The following SMURF1 variants were observed in gnomAD, a reference collection of about 807,000 sequenced individuals.
SMURF1 encodes the protein SMAD specific E3 ubiquitin protein ligase 1, also known as E3 ubiquitin-protein ligase SMURF1.
SMURF1 carries 44 observed loss-of-function variants against 98.0 expected under a neutral mutation model. The observed-to-expected ratio is 0.45, with a 90% CI of 0.35 to 0.58. SMURF1 has a LOEUF of 0.58. Among genes scored for constraint, SMURF1 ranks in the 20% least tolerant of loss-of-function variants. SMURF1 has a pLI of 0.00. For missense variants in SMURF1, 687 were observed against 938.4 expected (o/e 0.73, Z 3.50); for synonymous variants, 396 against 374.9 (o/e 1.06, Z -0.65).
In SMURF1 at chr7:99,038,436, T is replaced by C. The variant is rs945688698; in HGVS notation, c.1640A>G (p.Asn547Ser). 2.5e-6 allele frequency: 4 copies of C among 1,614,090 alleles called. No individual in the cohort carries two copies. Among genetic ancestry groups the C allele is most frequent in the Admixed American group, 1.7e-5 (1 of 60,010 alleles). Residue 547 changes from asparagine to serine, a missense_variant, in exon 14 of 18, where the codon AAT becomes AGT. Transcript: ENST00000361368. ...GRILQHELKP[N>S]GRNVPVTEEN... is the part of the protein sequence containing the mutation. ...CTCTGTGACTGGCACATTTCTGCCA[T>C]TGGGTTTCAGTTCATGCTGCAGGAT...
chr7:99,131,841 G>A (rs971166835), intron 1 of SMURF1, among the ~76,000 whole-genome samples: 19 of 152,140 alleles, frequency 1.2e-4, no homozygotes, highest in African/African-American at 4.3e-4. Flanking sequence ...AAGGCTGTGG[G>A]GTAGGGTGAG....
Position 99,040,537 on chromosome 7 carries a change from TG to T in SMURF1, c.1390del (p.His464ThrfsTer54). ...SINPDHLSYF[H>X]FVGRIMGLAV... is the part of the protein sequence containing the mutation. ...CAGCCCCATGATCCGCCCCACAAAG[TG>T]GAAATAAGACAAGTGGTCCTGTAGG... On this transcript the variant is annotated frameshift_variant, in exon 13 of 18. Transcript: ENST00000361368. LOFTEE classifies it high-confidence loss of function. The T allele has an allele frequency of 6.7e-7, 1 of 1,495,888 alleles. No homozygotes were observed. Among genetic ancestry groups the T allele is most frequent in the Non-Finnish European group, 8.9e-7 (1 of 1,121,650 alleles). 92.7% of individuals were successfully genotyped at this position (1,495,888 alleles called of 1,614,324 possible).
chr7:99,101,800 C>T (rs12705022), intron 1 of SMURF1, among the ~76,000 whole-genome samples: 108,217 of 152,012 alleles, frequency 0.71, 43,614 homozygotes, highest in South Asian at 0.92. Context: ...ATTAGCCAGG[C>T]GTGGTGGTGT....
chr7:99,121,890 ACT>A (rs1797635318), intron 1 of SMURF1, among the ~76,000 whole-genome samples: 2 of 152,064 alleles, frequency 1.3e-5, no homozygotes, highest in Non-Finnish European at 1.5e-5. Flanking sequence ...TGCCAACAGG[ACT>A]CTCTGCAGGA....
intron 1 of SMURF1, among the ~76,000 whole-genome samples, chr7:99,073,426 C>G (rs532955606): frequency 6.8e-6 from 1 of 146,504 alleles, no homozygotes; most frequent in Non-Finnish European, 1.5e-5. Context: ...CGTTTCCAGT[C>G]GATGTAGCTA....
At chr7:99,032,537 C>T (rs1477870443) in intron 17 of SMURF1, among the ~76,000 whole-genome samples, 12 of 152,128 alleles carry the variant, frequency 7.9e-5, no homozygotes, top group Admixed American at 1.3e-4. Flanking sequence ...AGTGTGGTGG[C>T]GTGCGCCTGT....
At chr7:99,133,127 C>T (rs1386005027) in intron 1 of SMURF1, among the ~76,000 whole-genome samples, 3 of 152,152 alleles carry the variant, frequency 2.0e-5, no homozygotes, top group Admixed American at 6.5e-5. Context: ...CCCACCCACA[C>T]GCAGTGCACG....
intron 1 of SMURF1, among the ~76,000 whole-genome samples, chr7:99,096,381 A>G (rs2150584134): frequency 6.6e-6 from 1 of 152,360 alleles, no homozygotes. Context: ...TACACAAGAC[A>G]CAGAGTCTCA....
At chr7:99,057,892 C>T (rs1009702839) in intron 3 of SMURF1, among the ~76,000 whole-genome samples, 12 of 152,112 alleles carry the variant, frequency 7.9e-5, no homozygotes, top group African/African-American at 2.9e-4. Flanking sequence ...CTACTATGCC[C>T]AGCTTTTAAT....
rs1798217217 is a variant in SMURF1, at chr7:99,144,037, G to GCCGCCT, written c.-258_-257insAGGCGG. 1 of 197,070 alleles carries GCCGCCT rather than the reference G, an allele frequency of 5.1e-6. No individual in the cohort carries two copies. The highest frequency in any genetic ancestry group is 2.7e-5 in the African/African-American group (1 of 37,546). 12.2% of individuals were successfully genotyped at this position (197,070 alleles called of 1,614,324 possible). ...CCGAGCCGCCGCCGCCTCCGCCGCC[G>GCCGCCT]CCTCCGCCGCCTCCACCACCTCAGA... On this transcript the variant is annotated 5_prime_UTR_variant, in exon 1 of 18. Transcript: ENST00000361368.
At chr7:99,066,183 T>G (rs758029107) in intron 1 of SMURF1, among the ~76,000 whole-genome samples, 7 of 152,196 alleles carry the variant, frequency 4.6e-5, no homozygotes, top group African/African-American at 7.2e-5. Context: ...GTTTCAAGAC[T>G]TACATCTCAT....
At chr7:99,066,321 T>G (rs1563014168) in intron 1 of SMURF1, among the ~76,000 whole-genome samples, 1 of 152,218 alleles carries the variant, frequency 6.6e-6, no homozygotes, top group Non-Finnish European at 1.5e-5. Context: ...CCCTGGTTTT[T>G]GGAGGTGCTG....
At chr7:99,039,336 A>G (rs978253224) in intron 13 of SMURF1, among the ~76,000 whole-genome samples, 38 of 151,802 alleles carry the variant, frequency 2.5e-4, no homozygotes, top group African/African-American at 8.7e-4. Flanking sequence ...GGCAGAGTGG[A>G]AGATTTTCTT....
At chr7:99,047,218 G>T (rs1399927731) in intron 10 of SMURF1, among the ~76,000 whole-genome samples, 2 of 152,210 alleles carry the variant, frequency 1.3e-5, no homozygotes, top group African/African-American at 4.8e-5. Context: ...CAGCCCCTGA[G>T]CTGCCCTGAG....
At chr7:99,043,950 G>A (rs1795482804) in intron 11 of SMURF1, among the ~76,000 whole-genome samples, 1 of 152,160 alleles carries the variant, frequency 6.6e-6, no homozygotes, top group Non-Finnish European at 1.5e-5. Flanking sequence ...CAAGAGAATC[G>A]CCATCAGGCT....
At chr7:99,060,804 C>T in intron 2 of SMURF1, 97 bp from the exon 3 acceptor site, 1 of 770,220 alleles carries the variant, frequency 1.3e-6, no homozygotes, top group Non-Finnish European at 2.1e-6. Flanking sequence ...AGGATAATTT[C>T]AATCAGCAAA....
intron 1 of SMURF1, among the ~76,000 whole-genome samples, chr7:99,129,854 C>A (rs1009698498): frequency 2.0e-5 from 3 of 152,222 alleles, no homozygotes; most frequent in Admixed American, 6.5e-5. Context: ...CAGGTTCGAA[C>A]TTCAGCGAAG....
At chr7:99,116,678 C>T (rs1472229364) in intron 1 of SMURF1, among the ~76,000 whole-genome samples, 10 of 152,156 alleles carry the variant, frequency 6.6e-5, no homozygotes, top group African/African-American at 1.9e-4. Flanking sequence ...GACTCATACA[C>T]TGAAAATTAC....
intron 1 of SMURF1, among the ~76,000 whole-genome samples, chr7:99,137,746 C>T (rs897213425): frequency 6.6e-6 from 1 of 152,214 alleles, no homozygotes; most frequent in Non-Finnish European, 1.5e-5. Context: ...CGTCACCAGA[C>T]GCGCTGATTA....
Sources: allele counts gnomAD v4.1 joint callset (sites outside exome capture counted in the v4.1 genomes callset), GRCh38; gene constraint gnomAD v4.1.1; transcripts MANE v1.5; gene names NCBI Gene and HGNC (gene_info 2026-07-23, HGNC 2026-07-21).